The following KLHL14 variants were observed in gnomAD, a reference collection of about 807,000 sequenced individuals.
The protein encoded by KLHL14 is kelch-like protein 14.
In KLHL14, 22 loss-of-function variants were observed where a neutral mutation model predicts 64.3. The ratio of observed to expected loss-of-function variants is 0.34; its 90% CI spans 0.24 to 0.49. The LOEUF is 0.49. Among genes scored for constraint, KLHL14 ranks in the 20% least tolerant of loss-of-function variants. The pLI, the probability that KLHL14 is intolerant of heterozygous loss-of-function variation, is 0.99. For synonymous variants in KLHL14, 322 were observed against 333.4 expected (o/e 0.97, Z 0.37); for missense variants, 661 against 789.0 (o/e 0.84, Z 1.94).
intron 5 of KLHL14, among the ~76,000 whole-genome samples, chr18:32,684,546 T>C (rs1032124317): frequency 2.0e-5 from 3 of 152,094 alleles, no homozygotes; most frequent in Admixed American, 1.3e-4. Flanking sequence ...TTACCAAGCT[T>C]CCATTCAAAA....
At chr18:32,759,512 G>T (rs1209136525) in intron 2 of KLHL14, among the ~76,000 whole-genome samples, 1 of 152,250 alleles carries the variant, frequency 6.6e-6, no homozygotes, top group Non-Finnish European at 1.5e-5. Flanking sequence ...ATTTAGAATT[G>T]CCCTAATGAA....
At chr18:32,688,804 T>C (rs1387164011) in intron 4 of KLHL14, among the ~76,000 whole-genome samples, 1 of 152,156 alleles carries the variant, frequency 6.6e-6, no homozygotes, top group Non-Finnish European at 1.5e-5. Context: ...TCATGCTGGC[T>C]GCTGTATAAA....
chr18:32,698,526 A>G lies in KLHL14; in HGVS notation c.1070-2974T>C, dbSNP rs144279122. The stretch of plus-strand genomic sequence containing the variant: ...ATTTCACTGATTTATCCTCAAATGC[A>G]CTGGGCCTTATTTTATTGAGTGAAC... On this transcript the variant is annotated intron_variant, in intron 3 of 8. Coordinates refer to ENST00000359358, the MANE Select transcript of KLHL14 (RefSeq NM_020805.3). Among the ~76,000 whole-genome samples, 556 of 152,310 alleles carry G rather than the reference A, an allele frequency of 3.7e-3. 3 individuals carry two copies. The highest frequency in any genetic ancestry group is 0.019 in the South Asian group (90 of 4,832).
chr18:32,729,229 G>T (rs2050123262), intron 3 of KLHL14, among the ~76,000 whole-genome samples: 1 of 152,184 alleles, frequency 6.6e-6, no homozygotes, highest in African/African-American at 2.4e-5. Context: ...CCTGTAGGGA[G>T]ATGGGGAGGG....
intron 3 of KLHL14, among the ~76,000 whole-genome samples, chr18:32,700,272 C>A (rs1598554404): frequency 6.6e-6 from 1 of 152,050 alleles, no homozygotes; most frequent in South Asian, 2.1e-4. Flanking sequence ...TTGTGAAGGC[C>A]TTGATATTTT....
chr18:32,727,248 A>G (rs1037012825), intron 3 of KLHL14, among the ~76,000 whole-genome samples: 1 of 152,218 alleles, frequency 6.6e-6, no homozygotes, highest in African/African-American at 2.4e-5. Flanking sequence ...ATGGTCAAGA[A>G]AGGTTACTCT....
intron 3 of KLHL14, among the ~76,000 whole-genome samples, chr18:32,697,506 A>C (rs1370517310): frequency 1.3e-5 from 2 of 152,200 alleles, no homozygotes; most frequent in African/African-American, 2.4e-5. Context: ...CAGCTCTTCA[A>C]ATATTTCTTT....
At chr18:32,710,319 G>A (rs2050012835) in intron 3 of KLHL14, among the ~76,000 whole-genome samples, 1 of 152,186 alleles carries the variant, frequency 6.6e-6, no homozygotes, top group Non-Finnish European at 1.5e-5. Flanking sequence ...ATTTACTACA[G>A]AACTGAATCA....
intron 2 of KLHL14, among the ~76,000 whole-genome samples, chr18:32,752,158 C>A (rs2050256635): frequency 6.6e-6 from 1 of 152,038 alleles, no homozygotes; most frequent in Admixed American, 6.6e-5. Context: ...CAAACACCAA[C>A]AACAAAGAAG....
At chr18:32,747,641 C>T (rs956415225) in intron 2 of KLHL14, among the ~76,000 whole-genome samples, 12 of 152,102 alleles carry the variant, frequency 7.9e-5, no homozygotes, top group African/African-American at 2.9e-4. Context: ...GCTTGCCCAC[C>T]ACTCACCTCC....
intron 2 of KLHL14, among the ~76,000 whole-genome samples, chr18:32,752,233 A>G (rs1415353487): frequency 6.6e-6 from 1 of 152,232 alleles, no homozygotes; most frequent in African/African-American, 2.4e-5. Context: ...AAATCCCACT[A>G]TCTAGGAGGA....
At chr18:32,736,868 T>C (rs1208451775) in intron 3 of KLHL14, among the ~76,000 whole-genome samples, 1 of 152,096 alleles carries the variant, frequency 6.6e-6, no homozygotes, top group Non-Finnish European at 1.5e-5. Flanking sequence ...ATGTTAACTT[T>C]AGGGGCTCAT....
At chr18:32,754,997 T>C (rs1180912044) in intron 2 of KLHL14, among the ~76,000 whole-genome samples, 1 of 152,080 alleles carries the variant, frequency 6.6e-6, no homozygotes, top group Non-Finnish European at 1.5e-5. Context: ...GGCGGGTGTG[T>C]GTGCTGAGGA....
chr18:32,689,542 C>T lies in KLHL14; in HGVS notation c.1160-2309G>A, dbSNP rs76691196. ...CTGAGTGCAGACTACTCAGGAGAGA[C>T]TAAGATGTAAGAAAGTGGAGGTAAG... On this transcript the variant is annotated intron_variant, in intron 4 of 8. Transcript: ENST00000359358. Among the ~76,000 whole-genome samples the T allele has an allele frequency of 2.9e-3, 435 of 152,178 alleles. 2 individuals are homozygous for T. The highest frequency in any genetic ancestry group is 0.01 in the African/African-American group (416 of 41,506).
Position 32,683,615 on chromosome 18 carries a change from C to T in KLHL14, c.1239-3016G>A, listed in dbSNP as rs2049854827. On this transcript the variant is annotated intron_variant, in intron 5 of 8. Coordinates refer to ENST00000359358, the MANE Select transcript of KLHL14 (RefSeq NM_020805.3). This position sits in a 1 kb window ranked among gnomAD's most constrained non-coding sequence, Gnocchi z 4.2. ...TACACTGTTTCTGTTTCAAATTGTTCATCTCTCCCTCCTTCAGCCTCCCCT... is the reference window on the plus strand; with the variant it reads ...TACACTGTTTCTGTTTCAAATTGTTTATCTCTCCCTCCTTCAGCCTCCCCT... 6.6e-6 allele frequency among the ~76,000 whole-genome samples: 1 copy of T among 152,166 alleles called. No homozygotes were observed. The highest frequency in any genetic ancestry group is 2.1e-4 in the South Asian group (1 of 4,826).
At chr18:32,772,352 T>A (rs1568089036) in intron 1 of KLHL14, 1 of 227,566 alleles carries the variant, frequency 4.4e-6, no homozygotes, top group Admixed American at 4.2e-5. Context: ...CCCAAAGCTC[T>A]GGCTTGCCTG....
At chr18:32,698,933 C>G (rs191364589) in intron 3 of KLHL14, among the ~76,000 whole-genome samples, 8 of 152,078 alleles carry the variant, frequency 5.3e-5, no homozygotes, top group Admixed American at 4.6e-4. Context: ...TCAGGTAATA[C>G]TGTAAAATAA....
intron 1 of KLHL14, among the ~76,000 whole-genome samples, 165 bp downstream of exon 1, chr18:32,772,502 A>G (rs1209574544): frequency 2.1e-5 from 3 of 141,172 alleles, no homozygotes; most frequent in Non-Finnish European, 4.6e-5. Flanking sequence ...TTTCCTCCTC[A>G]TCTGCTTATT....
At chr18:32,695,428 G>C (rs768040425) in intron 4 of KLHL14, 35 bp downstream of exon 4, 2 of 1,287,510 alleles carry the variant, frequency 1.6e-6, no homozygotes, top group Non-Finnish European at 2.3e-6. Flanking sequence ...ACACATACTT[G>C]TTGAGCACCT....
Sources: allele counts gnomAD v4.1 joint callset (sites outside exome capture counted in the v4.1 genomes callset), GRCh38; gene constraint gnomAD v4.1.1; non-coding constraint Gnocchi (gnomAD v3.1); transcripts MANE v1.5; gene names NCBI Gene and HGNC (gene_info 2026-07-23, HGNC 2026-07-21).